DLG5: variants seen among roughly 807,000 people sequenced by gnomAD.
The protein encoded by DLG5 is disks large homolog 5.
DLG5 carries 48 observed loss-of-function variants against 189.8 expected under a neutral mutation model. The observed-to-expected ratio is 0.25, with a 90% CI of 0.20 to 0.32. The LOEUF is 0.32. Among genes scored for constraint, DLG5 ranks in the 10% least tolerant of loss-of-function variants. The pLI, the probability that DLG5 is intolerant of heterozygous loss-of-function variation, is 1.00. For synonymous variants in DLG5, 1,016 were observed against 1,054.1 expected, an observed-to-expected ratio of 0.96 and a Z score of 0.70; for missense variants, 2,160 against 2,544.7, an observed-to-expected ratio of 0.85 and a Z score of 3.25.
At chr10:77,865,836 T>C (rs1255864184) in intron 2 of DLG5, among the ~76,000 whole-genome samples, 2 of 152,082 alleles carry the variant, frequency 1.3e-5, no homozygotes, top group Non-Finnish European at 2.9e-5. Flanking sequence ...GGCAAAGGTG[T>C]GGCGAGTTGT....
At chr10:77,912,931 C>A (rs1053678947) in intron 1 of DLG5, among the ~76,000 whole-genome samples, 1 of 152,052 alleles carries the variant, frequency 6.6e-6, no homozygotes, top group African/African-American at 2.4e-5. Flanking sequence ...TGTGGAGAAC[C>A]CCAGGGAAAC....
At position 77,865,759 on chromosome 10, in the gene DLG5, T is replaced by A. The variant is rs117290693; in HGVS notation, c.373+3370A>T. 4.6e-3 allele frequency among the ~76,000 whole-genome samples: 698 copies of A among 152,148 alleles called. 7 individuals carry two copies. The highest frequency in any genetic ancestry group is 7.6e-3 in the Non-Finnish European group (514 of 68,002). On this transcript the variant is annotated intron_variant, in intron 2 of 31. Coordinates refer to ENST00000372391, the MANE Select transcript of DLG5 (RefSeq NM_004747.4). ...GGGGGAGGGCCTCGGGGAAGCTGTG[T>A]GTGCTTAGCTGATGAAAACTGCCCG...
intron 2 of DLG5, chr10:77,867,022 A>G (rs750358703): frequency 6.6e-6 from 3 of 457,256 alleles, no homozygotes; most frequent in Non-Finnish European, 1.3e-5. Flanking sequence ...AACACATCAG[A>G]GCACTGCACT....
intron 1 of DLG5, among the ~76,000 whole-genome samples, chr10:77,885,936 C>A (rs1845423964): frequency 6.6e-6 from 1 of 152,136 alleles, no homozygotes; most frequent in African/African-American, 2.4e-5. Context: ...AAGTGCCCTC[C>A]AGCGAAGGCA....
At chr10:77,818,359 G>A (rs1171670622) in intron 17 of DLG5, among the ~76,000 whole-genome samples, 1 of 152,192 alleles carries the variant, frequency 6.6e-6, no homozygotes, top group Non-Finnish European at 1.5e-5. Context: ...CTGAGACCAG[G>A]CCTCAACAGC....
intron 1 of DLG5, among the ~76,000 whole-genome samples, chr10:77,871,604 G>A (rs985351599): frequency 6.5e-5 from 9 of 138,966 alleles, no homozygotes; most frequent in South Asian, 2.4e-4. Context: ...GTGCAATGGC[G>A]CGATCTCGGC....
intron 1 of DLG5, among the ~76,000 whole-genome samples, chr10:77,922,720 C>T (rs1846571960): frequency 6.6e-6 from 1 of 152,146 alleles, no homozygotes; most frequent in Non-Finnish European, 1.5e-5. Flanking sequence ...CTCCCTGGGG[C>T]TGCCACAGAG....
intron 2 of DLG5, chr10:77,868,473 C>T: frequency 3.4e-6 from 1 of 295,764 alleles, no homozygotes; most frequent in Non-Finnish European, 6.6e-6. Flanking sequence ...ATTTCCCCAT[C>T]TCTCTGCAGA....
intron 1 of DLG5, among the ~76,000 whole-genome samples, chr10:77,913,299 GGA>G (rs1228754673): frequency 6.6e-6 from 1 of 151,990 alleles, no homozygotes; most frequent in African/African-American, 2.4e-5. Flanking sequence ...GAGCTGCCAG[GGA>G]TTATAAAACA....
chr10:77,800,522 C>G (rs1841148212), intron 27 of DLG5, among the ~76,000 whole-genome samples: 1 of 151,166 alleles, frequency 6.6e-6, no homozygotes, highest in Admixed American at 6.6e-5. Context: ...AGAACCCAGG[C>G]ACGGGGCCGC....
chr10:77,931,435 A>C (rs1224575742), upstream of DLG5, among the ~76,000 whole-genome samples: 2 of 151,134 alleles, frequency 1.3e-5, no homozygotes, highest in African/African-American at 4.9e-5. Context: ...ATTTTTGTAG[A>C]GACAGAGTCT....
intron 13 of DLG5, among the ~76,000 whole-genome samples, chr10:77,828,486 C>CAA (rs34839290): frequency 0.33 from 22,149 of 66,252 alleles, 4,257 homozygotes; most frequent in Non-Finnish European, 0.36. Flanking sequence ...GACTCCATAT[C>CAA]AAAAAAAAAA....
At chr10:77,819,201 C>T in intron 17 of DLG5, 120 bp downstream of exon 17, 1 of 1,445,802 alleles carries the variant, frequency 6.9e-7, no homozygotes, top group East Asian at 2.3e-5. Context: ...TCTAGCCAGT[C>T]CCCTCCCAGG....
At chr10:77,877,640 GCTTTCCATCACCAAAACC>G (rs953276841) in intron 1 of DLG5, among the ~76,000 whole-genome samples, 2 of 152,212 alleles carry the variant, frequency 1.3e-5, no homozygotes, top group African/African-American at 4.8e-5. Flanking sequence ...CTCGGTTCCT[GCTTTCCATCACCAAAACC>G]AAGCCCTGCT....
intron 1 of DLG5, among the ~76,000 whole-genome samples, chr10:77,906,247 A>G (rs1365165622): frequency 1.3e-5 from 2 of 152,214 alleles, no homozygotes; most frequent in Non-Finnish European, 2.9e-5. Flanking sequence ...GAGTTCCTGC[A>G]TCCCCACACC....
intron 1 of DLG5, among the ~76,000 whole-genome samples, chr10:77,907,242 C>A (rs775577152): frequency 2.6e-5 from 4 of 152,100 alleles, no homozygotes; most frequent in African/African-American, 4.8e-5. Context: ...CTCCTGCCCC[C>A]CTATGCCACT....
At chr10:77,876,714 G>GGAGGGAGGGAGGGAGGGAGT in intron 1 of DLG5, among the ~76,000 whole-genome samples, 1 of 86,782 alleles carries the variant, frequency 1.2e-5, no homozygotes. Context: ...AGGAAGGGAG[G>GGAGGGAGGGAGGGAGGGAGT]GAGGGAGGGA....
rs568541674 is a variant in DLG5, at chr10:77,861,563, C to T, written c.374-4671G>A. ...CAGTCTACAGCCATGAGGACCTGGG[C>T]GTGGCTGGCCACACAGATAAAGTAG... On this transcript the variant is annotated intron_variant, in intron 2 of 31. Transcript: ENST00000372391. 1.1e-3 allele frequency among the ~76,000 whole-genome samples: 165 copies of T among 152,286 alleles called. 3 individuals are homozygous for T. The South Asian group carries it at 0.02, about 19-fold the overall frequency.
chr10:77,836,008 T>A (rs555113569), intron 7 of DLG5, 86 bp from the exon 8 acceptor site: 4 of 1,429,288 alleles, frequency 2.8e-6, no homozygotes, highest in Non-Finnish European at 3.8e-6. Context: ...GGGCCAAGGC[T>A]GAGGCTCTAG....
Sources: gnomAD v4.1 joint callset for allele counts (sites outside exome capture counted in the v4.1 genomes callset) on GRCh38, gnomAD v4.1.1 for gene constraint, MANE v1.5 for transcripts, NCBI Gene and HGNC (gene_info 2026-07-23, HGNC 2026-07-21) for gene names.